SEMA5B: variants seen among roughly 807,000 people sequenced by gnomAD.
The protein encoded by SEMA5B is semaphorin 5B.
Under a neutral mutation model 135.0 loss-of-function variants are expected in SEMA5B, and 66 were observed. That is an observed-to-expected ratio of 0.49 (90% CI 0.40 to 0.60). The LOEUF (loss-of-function observed/expected upper bound fraction) is 0.60, where lower values mean the gene tolerates loss of function less well. SEMA5B is among the 20% of genes least tolerant of loss of function. The probability of loss-of-function intolerance (pLI) is 0.00; values close to 1 mark genes in which losing one functional copy is unlikely to be tolerated. For synonymous variants in SEMA5B, 690 were observed against 639.5 expected (o/e 1.08, Z -1.19); for missense variants, 1,501 against 1,566.3 (o/e 0.96, Z 0.70).
chr3:123,012,432 C>T (rs1942458037), intron 1 of SEMA5B, among the ~76,000 whole-genome samples: 1 of 152,160 alleles, frequency 6.6e-6, no homozygotes, highest in South Asian at 2.1e-4. Flanking sequence ...AAGATTTCCC[C>T]AGCAGGTGAC....
At chr3:122,957,978 G>T (rs1037685734) in intron 2 of SEMA5B, among the ~76,000 whole-genome samples, 2 of 152,228 alleles carry the variant, frequency 1.3e-5, no homozygotes, top group Non-Finnish European at 2.9e-5. Context: ...AAATTATTAA[G>T]CTGACTTCCT....
At chr3:122,991,112 C>G (rs1941862145) in intron 1 of SEMA5B, among the ~76,000 whole-genome samples, 1 of 152,208 alleles carries the variant, frequency 6.6e-6, no homozygotes, top group African/African-American at 2.4e-5. Flanking sequence ...AGACTTCACA[C>G]TGCACAGATG....
chr3:122,942,926 G>A (rs1188682444), intron 4 of SEMA5B, among the ~76,000 whole-genome samples: 5 of 152,300 alleles, frequency 3.3e-5, no homozygotes, highest in South Asian at 4.1e-4. Context: ...AGTCTCCACA[G>A]GTTCCCCCAG....
chr3:122,947,515 C>T (rs781692094), intron 3 of SEMA5B, among the ~76,000 whole-genome samples: 39 of 152,198 alleles, frequency 2.6e-4, no homozygotes, highest in Non-Finnish European at 4.7e-4. Context: ...GCATGTCCTC[C>T]TGTATGGGCC....
chr3:123,014,709 C>G (rs1942514552), intron 1 of SEMA5B, among the ~76,000 whole-genome samples: 1 of 152,126 alleles, frequency 6.6e-6, no homozygotes, highest in African/African-American at 2.4e-5. Context: ...GAGGCAGGAT[C>G]CGAAATATCT....
At chr3:122,949,461 C>A (rs1169536418) in intron 2 of SEMA5B, among the ~76,000 whole-genome samples, 1 of 152,214 alleles carries the variant, frequency 6.6e-6, no homozygotes, top group African/African-American at 2.4e-5. Context: ...CTGCAAGTTG[C>A]CCTTGCTCAT....
intron 12 of SEMA5B, among the ~76,000 whole-genome samples, chr3:122,917,302 G>GTAC (rs1458522489): frequency 6.6e-6 from 1 of 152,224 alleles, no homozygotes; most frequent in Non-Finnish European, 1.5e-5. Flanking sequence ...GGAGAAGGAT[G>GTAC]TACTGGACTG....
rs1167367583 is a variant in SEMA5B, at chr3:122,995,984, C to CA, written c.-39+31479_-39+31480insT. ...TGGCTGTCAGCCTCATTCAGCAGCT[C>CA]TTAAGATGGCTTGGAGGTGCTCCGA... On this transcript the variant is annotated intron_variant, in intron 1 of 22. Transcript: ENST00000357599. Among the ~76,000 whole-genome samples, 4 of 152,216 alleles carry CA rather than the reference C, an allele frequency of 2.6e-5. No homozygotes were observed. The East Asian group carries it at 7.7e-4, about 29-fold the overall frequency.
chr3:122,913,043 A>T lies in SEMA5B; in HGVS notation c.2525T>A (p.Leu842Gln). 6 of 1,554,126 alleles carry T rather than the reference A, an allele frequency of 3.9e-6. No individual in the cohort carries two copies. Among genetic ancestry groups the T allele is most frequent in the Non-Finnish European group, 4.3e-6 (5 of 1,151,326 alleles). Residue 842 changes from leucine to glutamine, a missense_variant, in exon 18 of 23, where the codon CTG (leucine) becomes CAG (glutamine). By Grantham distance (113) the Leu-to-Gln change is moderately radical. This residue lies in a region of SEMA5B where 927 missense variants were observed against 881.6 expected (regional missense o/e 1.05). Coordinates refer to ENST00000357599, the MANE Select transcript of SEMA5B (RefSeq NM_001031702.4). ...CDTDALVEVL[L>Q]RSGSTSPHTV... ...GTGCGGGGAGGTGCTCCCGCTGCGCAGGAGGACCTCCACCAGGGCTGCGGA... is the reference window on the plus strand; with the variant it reads ...GTGCGGGGAGGTGCTCCCGCTGCGCTGGAGGACCTCCACCAGGGCTGCGGA...
intron 2 of SEMA5B, among the ~76,000 whole-genome samples, chr3:122,950,360 G>T (rs1221339708): frequency 6.6e-6 from 1 of 152,172 alleles, no homozygotes; most frequent in Admixed American, 6.5e-5. Context: ...TCCCTGTGGG[G>T]TGATCCTGGC....
At chr3:122,997,684 G>A (rs1942057201) in intron 1 of SEMA5B, among the ~76,000 whole-genome samples, 1 of 152,182 alleles carries the variant, frequency 6.6e-6, no homozygotes, top group African/African-American at 2.4e-5. Flanking sequence ...CTGCAGCAAA[G>A]ATGCTGCATC....
At chr3:123,006,646 G>A (rs1364603215) in intron 1 of SEMA5B, among the ~76,000 whole-genome samples, 1 of 152,158 alleles carries the variant, frequency 6.6e-6, no homozygotes, top group Non-Finnish European at 1.5e-5. Context: ...TTTCCTGGAG[G>A]AACAGGCACT....
intron 1 of SEMA5B, among the ~76,000 whole-genome samples, chr3:122,974,164 T>C (rs1576381486): frequency 6.6e-6 from 1 of 152,254 alleles, no homozygotes; most frequent in South Asian, 2.1e-4. Flanking sequence ...CGGCAGGTGG[T>C]TGGCTGATGT....
Position 122,943,455 on chromosome 3 carries a change from G to C in SEMA5B, c.409C>G (p.Gln137Glu). The C allele has an allele frequency of 6.2e-7, 1 of 1,607,236 alleles. No individual in the cohort carries two copies. Among genetic ancestry groups the C allele is most frequent in the Non-Finnish European group, 8.5e-7 (1 of 1,177,590 alleles). The change falls in exon 4 of 23, where the codon CAG becomes GAG. Residue 137 changes from glutamine to glutamate, a missense_variant. Around this residue, in one of 2 missense-constraint regions of SEMA5B, gnomAD observed 574 missense variants for 684.7 expected, o/e 0.84. Coordinates refer to ENST00000357599, the MANE Select transcript of SEMA5B (RefSeq NM_001031702.4). ...TGTTACCTGGCTCCCACGATGAGCT[G>C]GTTCCCGGAGGGGTCCAAAGCCAGC... ...SQLALDPSGN[Q>E]LIVGARNYLF...
At chr3:122,976,181 AGTGCTTCTCAAAAT>A in intron 1 of SEMA5B, 1 of 1,516,614 alleles carries the variant, frequency 6.6e-7, no homozygotes. Context: ...AGATGCAAGA[AGTGCTTCTCAAAAT>A]GTGCTCCTAG....
intron 1 of SEMA5B, among the ~76,000 whole-genome samples, chr3:122,981,388 C>T (rs1022279955): frequency 2.0e-5 from 3 of 152,238 alleles, no homozygotes; most frequent in Non-Finnish European, 4.4e-5. Flanking sequence ...AAGGGAAAGA[C>T]GTGACCCCAG....
chr3:122,915,288 G>T, intron 14 of SEMA5B, 152 bp downstream of exon 14: 1 of 655,308 alleles, frequency 1.5e-6, no homozygotes, highest in Non-Finnish European at 2.4e-6. Flanking sequence ...CAGGTTTCCT[G>T]CCTCAGATAT....
At position 122,921,132 on chromosome 3, in the gene SEMA5B, C is replaced by T. The variant is rs190447735; in HGVS notation, c.1688+783G>A. ...CCATTTGTCTTCCCAATCTTGAGGA[C>T]AGATGGCACAGCCAGGACTCTCGGT... On this transcript the variant is annotated intron_variant, in intron 12 of 22. Coordinates refer to ENST00000357599, the MANE Select transcript of SEMA5B (RefSeq NM_001031702.4). Among the ~76,000 whole-genome samples the T allele has an allele frequency of 1.2e-4, 19 of 152,318 alleles. No individual in the cohort carries two copies. In the East Asian group the frequency reaches 3.7e-3, roughly 29 times the overall value.
At chr3:122,966,566 A>T (rs200060643) in intron 1 of SEMA5B, among the ~76,000 whole-genome samples, 4,371 of 115,488 alleles carry the variant, frequency 0.038, 261 homozygotes, top group African/African-American at 0.13. Context: ...TATTATTATT[A>T]TTTTTTGAGA....
Sources: gnomAD v4.1 joint callset for allele counts (sites outside exome capture counted in the v4.1 genomes callset) on GRCh38, gnomAD v4.1.1 for gene constraint, gnomAD v4.1.1 regional missense constraint, MANE v1.5 for transcripts, NCBI Gene and HGNC (gene_info 2026-07-23, HGNC 2026-07-21) for gene names.